The following CALML4 variants were observed in gnomAD, a reference collection of about 807,000 sequenced individuals.
CALML4 encodes calmodulin like 4.
Under a neutral mutation model 17.9 loss-of-function variants are expected in CALML4, and 16 were observed. The observed-to-expected ratio is 0.89, with a 90% confidence interval of 0.61 to 1.36. The LOEUF is 1.36. CALML4 is among the 40% of genes most tolerant of loss of function. The probability of loss-of-function intolerance (pLI) is 0.00; values close to 1 mark genes in which losing one functional copy is unlikely to be tolerated. For synonymous variants in CALML4, 86 were observed against 71.5 expected, an observed-to-expected ratio of 1.20 and a Z score of -1.02; for missense variants, 203 against 194.8, an observed-to-expected ratio of 1.04 and a Z score of -0.25.
rs2093175794 is a variant in CALML4 at position 68,204,548 on chromosome 15, G to A, written c.34+573C>T. Among the ~76,000 whole-genome samples the A allele has an allele frequency of 6.6e-6, 1 of 152,168 alleles. No individual in the cohort carries two copies. ...CGCAACTCTTTGCTCTTGGCCTTCTGGAAATAGAACCCTGCACGGTGTGAA... is the reference window on the plus strand; with the variant it reads ...CGCAACTCTTTGCTCTTGGCCTTCTAGAAATAGAACCCTGCACGGTGTGAA... On this transcript the variant is annotated intron_variant, in intron 2 of 4. Transcript: ENST00000467889. This position sits in a 1 kb window ranked among gnomAD's most constrained non-coding sequence, Gnocchi z 6.0.
At position 68,193,063 on chromosome 15, in the gene CALML4, T is replaced by A. The variant is rs1400713851; in HGVS notation, c.*952A>T. ...CTACTACTGTTTTCCAGGGCTGTTGTACCCTGGCCATTGCTGGTTACATCC... is the reference window on the plus strand; with the variant it reads ...CTACTACTGTTTTCCAGGGCTGTTGAACCCTGGCCATTGCTGGTTACATCC... On this transcript the variant is annotated 3_prime_UTR_variant, in exon 5 of 5. Transcript: ENST00000467889. 1.3e-5 allele frequency: 2 copies of A among 152,302 alleles called. No individual in the cohort carries two copies. Among genetic ancestry groups the A allele is most frequent in the Admixed American group, 1.3e-4 (2 of 15,286 alleles). The allele number at this position is 152,302 out of a possible 1,614,324, so 9.4% of individuals were successfully genotyped here.
At chr15:68,202,282 A>G (rs1444370732) in intron 2 of CALML4, among the ~76,000 whole-genome samples, 2 of 152,226 alleles carry the variant, frequency 1.3e-5, no homozygotes, top group African/African-American at 2.4e-5. Flanking sequence ...TTTACAAATA[A>G]TACAGAAATG....
At chr15:68,196,728 G>GC (rs890174411) in intron 4 of CALML4, among the ~76,000 whole-genome samples, 13 of 152,236 alleles carry the variant, frequency 8.5e-5, no homozygotes, top group African/African-American at 3.1e-4. Flanking sequence ...TGTACAAAGG[G>GC]CTTTCCTAGA....
intron 3 of CALML4, among the ~76,000 whole-genome samples, chr15:68,199,177 AAGGTT>A (rs1030362054): frequency 8.5e-5 from 13 of 152,176 alleles, no homozygotes; most frequent in African/African-American, 2.2e-4. Context: ...TCAAAAAAAA[AAGGTT>A]AGGAGAATGC....
chr15:68,205,214 T>TG lies in CALML4; in HGVS notation c.3+30dup, dbSNP rs1452664437. 1.2e-6 allele frequency: 2 copies of TG among 1,614,106 alleles called. No individual in the cohort carries two copies. The highest frequency in any genetic ancestry group is 2.7e-5 in the African/African-American group (2 of 75,038). On this transcript the variant is annotated intron_variant, in intron 1 of 4. Coordinates refer to ENST00000467889, the MANE Select transcript of CALML4 (RefSeq NM_033429.3). The surrounding 1 kb of genome is among the most constrained non-coding windows in gnomAD (Gnocchi z 4.8). Reference sequence around the variant, plus strand: ...CACCTGAGGTTCACGCCCCCAGCCCTGGCCAGGCCGACACAGACCCTCACA... The same window carrying TG: ...CACCTGAGGTTCACGCCCCCAGCCCTGGGCCAGGCCGACACAGACCCTCACA...
In CALML4 at chr15:68,200,270, G is replaced by A. The variant is rs1029766926; in HGVS notation, c.35-589C>T. 6.6e-6 allele frequency among the ~76,000 whole-genome samples: 1 copy of A among 152,220 alleles called. No individual in the cohort carries two copies. The highest frequency in any genetic ancestry group is 2.4e-5 in the African/African-American group (1 of 41,464). On this transcript the variant is annotated intron_variant, in intron 2 of 4. Transcript: ENST00000467889. This position sits in a 1 kb window ranked among gnomAD's most constrained non-coding sequence, Gnocchi z 4.3. ...TGATGATATTATCATCATCATCAGAGCTGGGGCATTTCTGAGCCTATTGCC... is the reference window on the plus strand; with the variant it reads ...TGATGATATTATCATCATCATCAGAACTGGGGCATTTCTGAGCCTATTGCC...
Position 68,197,439 on chromosome 15 carries a change from C to A in CALML4, c.364+1G>T, listed in dbSNP as rs1402039891. The A allele has an allele frequency of 6.2e-7, 1 of 1,613,110 alleles. No homozygotes were observed. Among genetic ancestry groups the A allele is most frequent in the Non-Finnish European group, 8.5e-7 (1 of 1,179,596 alleles). ...TTGGGAGACAGGACCCAGGCTGTTA[C>A]CTTCCTTGTGGGTGAGCTTCTCCCC... On this transcript the variant is annotated splice_donor_variant, in intron 4 of 4. Coordinates refer to ENST00000467889, the MANE Select transcript of CALML4 (RefSeq NM_033429.3). LOFTEE classifies it high-confidence loss of function. This position sits in a 1 kb window ranked among gnomAD's most constrained non-coding sequence, Gnocchi z 4.1.
rs1440108445 is a variant in CALML4 at position 68,204,749 on chromosome 15, G to T, written c.34+372C>A. ...GCCAGAGAGTGCAGACCTGGCCTCTGTTCTGTCTCAATTACAAAGCCCCTC... is the reference window on the plus strand; with the variant it reads ...GCCAGAGAGTGCAGACCTGGCCTCTTTTCTGTCTCAATTACAAAGCCCCTC... On this transcript the variant is annotated intron_variant, in intron 2 of 4. Coordinates refer to ENST00000467889, the MANE Select transcript of CALML4 (RefSeq NM_033429.3). The surrounding 1 kb of genome is among the most constrained non-coding windows in gnomAD (Gnocchi z 6.0). Among the ~76,000 whole-genome samples the T allele has an allele frequency of 6.6e-6, 1 of 152,050 alleles. No individual in the cohort carries two copies. Among genetic ancestry groups the T allele is most frequent in the African/African-American group, 2.4e-5 (1 of 41,374 alleles).
intron 2 of CALML4, among the ~76,000 whole-genome samples, chr15:68,202,249 CAT>C (rs2093167496): frequency 2.0e-5 from 3 of 152,218 alleles, no homozygotes; most frequent in Non-Finnish European, 1.5e-5. Context: ...ACTGTACAAA[CAT>C]AAAGGATGTG....
At chr15:68,201,131 G>A (rs1252027071) in intron 2 of CALML4, among the ~76,000 whole-genome samples, 1 of 152,226 alleles carries the variant, frequency 6.6e-6, no homozygotes, top group African/African-American at 2.4e-5. Flanking sequence ...AGATCGCCAT[G>A]TACCATTTAG....
At chr15:68,199,796 A>T (rs1433292550) in intron 2 of CALML4, 115 bp from the exon 3 acceptor site, 2 of 1,150,112 alleles carry the variant, frequency 1.7e-6, no homozygotes, top group Non-Finnish European at 1.2e-6. Context: ...TACTCCCTCC[A>T]TCCCTCTCTC....
chr15:68,196,585 G>A (rs551307613), intron 4 of CALML4, among the ~76,000 whole-genome samples: 7 of 152,296 alleles, frequency 4.6e-5, no homozygotes, highest in Admixed American at 6.5e-5. Flanking sequence ...CTCTAAGGTC[G>A]GGGTCCCTGG....
intron 2 of CALML4, among the ~76,000 whole-genome samples, chr15:68,203,716 G>A (rs2093172985): frequency 6.6e-6 from 1 of 152,136 alleles, no homozygotes; most frequent in South Asian, 2.1e-4. Context: ...CTGGTAAGGT[G>A]GCATATCCTA....
In CALML4 at chr15:68,204,983, C is replaced by A; in HGVS notation, c.34+138G>T. 1 of 948,504 alleles carries A rather than the reference C, an allele frequency of 1.1e-6. No individual in the cohort carries two copies. Among genetic ancestry groups the A allele is most frequent in the Non-Finnish European group, 1.6e-6 (1 of 618,732 alleles). 58.8% of individuals were successfully genotyped at this position (948,504 alleles called of 1,614,324 possible). On this transcript the variant is annotated intron_variant, in intron 2 of 4. Coordinates refer to ENST00000467889, the MANE Select transcript of CALML4 (RefSeq NM_033429.3). The surrounding 1 kb of genome is among the most constrained non-coding windows in gnomAD (Gnocchi z 6.0). ...CCCCCACCCCGCCAACAGCAGCCTC[C>A]CCGCAGCTCTTGGCCCTGGGTGGGC...
upstream of CALML4, chr15:68,205,465 G>T: frequency 6.6e-7 from 1 of 1,525,910 alleles, no homozygotes; most frequent in Non-Finnish European, 8.9e-7. This position sits in a 1 kb window ranked among gnomAD's most constrained non-coding sequence, Gnocchi z 4.8. Flanking sequence ...GATTTTTGAG[G>T]AAATGGGGCT....
At position 68,204,147 on chromosome 15, in the gene CALML4, A is replaced by G. The variant is rs908026502; in HGVS notation, c.34+974T>C. Among the ~76,000 whole-genome samples, 1 of 152,096 alleles carries G rather than the reference A, an allele frequency of 6.6e-6. No homozygotes were observed. The highest frequency in any genetic ancestry group is 2.4e-5 in the African/African-American group (1 of 41,420). ...GTTCTACGTGGAGGTGCCCACCTGG[A>G]GCTCACAATTCCTGCCCCTCTGGAC... On this transcript the variant is annotated intron_variant, in intron 2 of 4. Transcript: ENST00000467889. The surrounding 1 kb of genome is among the most constrained non-coding windows in gnomAD (Gnocchi z 6.0).
chr15:68,199,699 G>T lies in CALML4; in HGVS notation c.35-18C>A, dbSNP rs373933655. 5 of 1,609,010 alleles carry T rather than the reference G, an allele frequency of 3.1e-6. No homozygotes were observed. The South Asian group carries it at 3.3e-5, about 11-fold the overall frequency. ...CTTGTACTCTGCACACGGCCCAGAGGGAGGGTCAGCAGCGTCTGGTCACTC... is the reference window on the plus strand; with the variant it reads ...CTTGTACTCTGCACACGGCCCAGAGTGAGGGTCAGCAGCGTCTGGTCACTC... On this transcript the variant is annotated intron_variant, in intron 2 of 4. Transcript: ENST00000467889.
chr15:68,198,178 TG>T (rs2093152530), intron 3 of CALML4: 1 of 152,638 alleles, frequency 6.6e-6, no homozygotes, highest in South Asian at 2.1e-4. Flanking sequence ...TACAACTTCC[TG>T]TTTGGAGGGG....
Position 68,204,432 on chromosome 15 carries a change from C to T in CALML4, c.34+689G>A, listed in dbSNP as rs980162728. Among the ~76,000 whole-genome samples the T allele has an allele frequency of 6.6e-6, 1 of 152,208 alleles. No individual in the cohort carries two copies. The highest frequency in any genetic ancestry group is 1.5e-5 in the Non-Finnish European group (1 of 68,038). On this transcript the variant is annotated intron_variant, in intron 2 of 4. Transcript: ENST00000467889. The surrounding 1 kb of genome is among the most constrained non-coding windows in gnomAD (Gnocchi z 6.0). ...GGTCACAACCTCAAGCAGCAGCTGG[C>T]TGTGCCTCCTGGGCCTCTCCTGCCA...
Sources: gnomAD v4.1 joint callset for allele counts (sites outside exome capture counted in the v4.1 genomes callset) on GRCh38, gnomAD v4.1.1 for gene constraint, Gnocchi (gnomAD v3.1) non-coding constraint, MANE v1.5 for transcripts, NCBI Gene and HGNC (gene_info 2026-07-23, HGNC 2026-07-21) for gene names.